EEFSEC: variants seen among roughly 807,000 people sequenced by gnomAD.
EEFSEC encodes the protein selenocysteine-specific elongation factor.
A neutral mutation model predicts 42.1 loss-of-function variants in EEFSEC; 43 were observed. The ratio of observed to expected loss-of-function variants is 1.02; its 90% confidence interval spans 0.80 to 1.32. The LOEUF (loss-of-function observed/expected upper bound fraction) is 1.32, where lower values mean the gene tolerates loss of function less well. Ranked by LOEUF, EEFSEC falls within the 40% of genes most tolerant of loss-of-function variation. The pLI, the probability that EEFSEC is intolerant of heterozygous loss-of-function variation, is 0.00. For missense variants in EEFSEC, 745 were observed against 803.6 expected (o/e 0.93, Z 0.88); for synonymous variants, 354 against 339.1 (o/e 1.04, Z -0.48).
At chr3:128,390,321 A>T (rs1170613144) in intron 6 of EEFSEC, among the ~76,000 whole-genome samples, 1 of 152,140 alleles carries the variant, frequency 6.6e-6, no homozygotes, top group Non-Finnish European at 1.5e-5. Flanking sequence ...TGCTGGGGAG[A>T]GCTGGCTGTG....
intron 6 of EEFSEC, among the ~76,000 whole-genome samples, chr3:128,378,909 C>A (rs1428319634): frequency 6.6e-6 from 1 of 152,240 alleles, no homozygotes; most frequent in African/African-American, 2.4e-5. Context: ...GGGCATTCCA[C>A]TGGGTTCTGT....
intron 6 of EEFSEC, among the ~76,000 whole-genome samples, chr3:128,403,977 T>C (rs1735537): frequency 0.35 from 52,929 of 152,118 alleles, 10,411 homozygotes; most frequent in African/African-American, 0.53. Flanking sequence ...CATTCACCAC[T>C]ATTTATCTCC....
intron 6 of EEFSEC, among the ~76,000 whole-genome samples, chr3:128,391,228 T>C (rs2107624198): frequency 6.6e-6 from 1 of 152,318 alleles, no homozygotes; most frequent in African/African-American, 2.4e-5. Context: ...CAAACCACAG[T>C]TCCTTGCCCT....
At chr3:128,186,260 C>T (rs894405088) in intron 1 of EEFSEC, among the ~76,000 whole-genome samples, 2 of 152,054 alleles carry the variant, frequency 1.3e-5, no homozygotes, top group African/African-American at 2.4e-5. Flanking sequence ...GCTCTTTGTT[C>T]GTTTAAAAAT....
intron 4 of EEFSEC, among the ~76,000 whole-genome samples, chr3:128,295,482 A>C: frequency 1.5e-5 from 1 of 66,272 alleles, no homozygotes; most frequent in East Asian, 6.2e-4. Flanking sequence ...TTTGCTGGCA[A>C]ATATACAGAC....
intron 1 of EEFSEC, among the ~76,000 whole-genome samples, chr3:128,184,694 C>G (rs988891199): frequency 2.0e-5 from 3 of 152,180 alleles, no homozygotes; most frequent in African/African-American, 7.2e-5. Flanking sequence ...TGATACCATA[C>G]TGTTCTGATT....
intron 6 of EEFSEC, among the ~76,000 whole-genome samples, chr3:128,395,829 C>T (rs1255403007): frequency 1.3e-5 from 2 of 152,228 alleles, no homozygotes; most frequent in East Asian, 3.9e-4. Flanking sequence ...ATCAGAATGG[C>T]AGTGGCCTCT....
chr3:128,281,911 G>A lies in EEFSEC; in HGVS notation c.786+17130G>A, dbSNP rs189747432. 6.8e-3 allele frequency among the ~76,000 whole-genome samples: 1,031 copies of A among 152,336 alleles called. 4 individuals carry two copies. Among genetic ancestry groups the A allele is most frequent in the Non-Finnish European group, 0.011 (748 of 68,024 alleles). On this transcript the variant is annotated intron_variant, in intron 4 of 6. Coordinates refer to ENST00000254730, the MANE Select transcript of EEFSEC (RefSeq NM_021937.5). ...TCCCCTGAGTTAGTGGTGGTCGTGG[G>A]ATCTGAGCAGGCAGTTGCAGACCTG...
intron 1 of EEFSEC, among the ~76,000 whole-genome samples, chr3:128,157,443 A>G (rs1221452338): frequency 6.6e-6 from 1 of 152,264 alleles, no homozygotes; most frequent in Admixed American, 6.5e-5. Context: ...AGAAGATGCT[A>G]TGTAGGACTT....
chr3:128,339,260 G>A (rs753266112), intron 4 of EEFSEC, among the ~76,000 whole-genome samples: 18 of 152,154 alleles, frequency 1.2e-4, no homozygotes, highest in Non-Finnish European at 2.1e-4. Flanking sequence ...AAACACTTGA[G>A]TATTATGGCT....
intron 4 of EEFSEC, among the ~76,000 whole-genome samples, chr3:128,277,239 ATTCT>A (rs1299708097): frequency 6.6e-6 from 1 of 152,212 alleles, no homozygotes; most frequent in African/African-American, 2.4e-5. Context: ...AGTATTTATA[ATTCT>A]TTCTTTTAAG....
intron 1 of EEFSEC, among the ~76,000 whole-genome samples, chr3:128,190,966 T>C (rs1049400073): frequency 6.6e-6 from 1 of 152,014 alleles, no homozygotes; most frequent in Non-Finnish European, 1.5e-5. Context: ...CATTTACCAT[T>C]CCCATTTTTA....
At chr3:128,166,010 G>C (rs2065239375) in intron 1 of EEFSEC, among the ~76,000 whole-genome samples, 1 of 152,186 alleles carries the variant, frequency 6.6e-6, no homozygotes, top group Non-Finnish European at 1.5e-5. Flanking sequence ...AAAGGCCCTC[G>C]GGTTTGTGTT....
intron 2 of EEFSEC, among the ~76,000 whole-genome samples, chr3:128,259,262 G>A (rs899173381): frequency 6.6e-6 from 1 of 152,138 alleles, no homozygotes; most frequent in African/African-American, 2.4e-5. Context: ...GCTCTTCCTG[G>A]CGGAAACAAA....
chr3:128,348,147 A>G (rs1021075729), intron 5 of EEFSEC, among the ~76,000 whole-genome samples: 17 of 152,212 alleles, frequency 1.1e-4, no homozygotes, highest in African/African-American at 4.1e-4. Context: ...CCACAGAGAA[A>G]AAACCCTAAT....
rs190755754 is a variant in EEFSEC at position 128,261,379 on chromosome 3, A to T, written c.525-749A>T. On this transcript the variant is annotated intron_variant, in intron 2 of 6. Transcript: ENST00000254730. ...TTGTTATTGTTGTTGCTGTCATTCA[A>T]CAGAAAGTTCTTTGTGATATAATGG... Among the ~76,000 whole-genome samples, 6 of 152,340 alleles carry T rather than the reference A, an allele frequency of 3.9e-5. 1 individual carries two copies. The highest frequency in any genetic ancestry group is 3.3e-4 in the Admixed American group (5 of 15,306).
Position 128,408,082 on chromosome 3 carries a change from C to T in EEFSEC, c.1614C>T (p.Pro538=), listed in dbSNP as rs370516665. The change falls in exon 7 of 7, where the codon CCC becomes CCT. Residue 538 remains proline (P), a synonymous_variant. Coordinates refer to ENST00000254730, the MANE Select transcript of EEFSEC (RefSeq NM_021937.5). ...TGTGCCTTGCAGGTGGCCTCAGCCC[C>T]GAGTCCAAGAAGATCCTGACACCCG... is the stretch of plus-strand genomic sequence containing the variant. The part of the protein sequence containing the change: ...FKIHIPGGLS[P]ESKKILTPAL... The T allele has an allele frequency of 7.0e-6, 11 of 1,580,296 alleles. No individual in the cohort carries two copies. Among genetic ancestry groups the T allele is most frequent in the South Asian group, 2.3e-5 (2 of 86,022 alleles).
At chr3:128,207,173 C>A (rs756288766) in intron 1 of EEFSEC, among the ~76,000 whole-genome samples, 1 of 151,934 alleles carries the variant, frequency 6.6e-6, no homozygotes, top group Admixed American at 6.6e-5. Flanking sequence ...CCAGCCCTCC[C>A]TTCCTGCTCC....
At chr3:128,286,109 A>G (rs895229015) in intron 4 of EEFSEC, among the ~76,000 whole-genome samples, 6 of 152,218 alleles carry the variant, frequency 3.9e-5, no homozygotes, top group East Asian at 1.9e-4. Context: ...ATTCAGCACT[A>G]TGATTTTCAG....
Sources: allele counts gnomAD v4.1 joint callset (sites outside exome capture counted in the v4.1 genomes callset), GRCh38; gene constraint gnomAD v4.1.1; transcripts MANE v1.5; gene names NCBI Gene and HGNC (gene_info 2026-07-23, HGNC 2026-07-21).